ZRANB2: variants seen among roughly 807,000 people sequenced by gnomAD.
The protein encoded by ZRANB2 is zinc finger RANBP2-type containing 2, also known as zinc finger Ran-binding domain-containing protein 2.
In ZRANB2, 19 loss-of-function variants were observed where a neutral mutation model predicts 53.4. The observed-to-expected ratio is 0.36, with a 90% CI of 0.25 to 0.52. ZRANB2 has a LOEUF of 0.52. Ranked by LOEUF, ZRANB2 falls within the 20% of genes least tolerant of loss-of-function variation. ZRANB2 has a pLI of 0.93. For missense variants in ZRANB2, 309 were observed against 401.1 expected, an observed-to-expected ratio of 0.77 and a Z score of 1.96; for synonymous variants, 145 against 134.8, an observed-to-expected ratio of 1.08 and a Z score of -0.52.
At chr1:71,070,230 T>C (rs1661564498) in intron 7 of ZRANB2, among the ~76,000 whole-genome samples, 1 of 151,284 alleles carries the variant, frequency 6.6e-6, no homozygotes, top group Admixed American at 6.6e-5. Context: ...TAAAATTTTA[T>C]TTTTATTGTT....
At chr1:71,065,559 T>C (rs1258095539) in intron 9 of ZRANB2, 2 of 1,383,132 alleles carry the variant, frequency 1.4e-6, no homozygotes, top group East Asian at 2.6e-5. Context: ...CAGCAAGGCT[T>C]CTGTGTATGA....
intron 9 of ZRANB2, 54 bp from the exon 10 acceptor site, chr1:71,065,191 A>G (rs1661395602): frequency 7.1e-7 from 1 of 1,399,400 alleles, no homozygotes; most frequent in Non-Finnish European, 1.0e-6. Flanking sequence ...GCTAAATCTC[A>G]GCATTCATTC....
intron 4 of ZRANB2, among the ~76,000 whole-genome samples, chr1:71,072,813 T>C (rs1419548119): frequency 6.6e-6 from 1 of 152,128 alleles, no homozygotes; most frequent in Non-Finnish European, 1.5e-5. Context: ...AAAGTATTGG[T>C]GGAAAACATC....
chr1:71,072,312 A>G (rs1661613026), intron 5 of ZRANB2, 57 bp from the exon 6 acceptor site: 1 of 1,503,964 alleles, frequency 6.6e-7, no homozygotes, highest in South Asian at 1.3e-5. Flanking sequence ...AACTTAATAC[A>G]TTTTCTAAAA....
At chr1:71,077,072 T>A (rs1661725638) in intron 3 of ZRANB2, among the ~76,000 whole-genome samples, 195 bp from the exon 4 acceptor site, 1 of 152,222 alleles carries the variant, frequency 6.6e-6, no homozygotes, top group Admixed American at 6.5e-5. Context: ...GACTGAACCA[T>A]TTAAGCAGAG....
At chr1:71,067,001 T>C (rs1438215011) in intron 8 of ZRANB2, 67 bp from the exon 9 acceptor site, 1 of 1,427,026 alleles carries the variant, frequency 7.0e-7, no homozygotes, top group Non-Finnish European at 9.3e-7. Context: ...TATTTAGTTA[T>C]CAGATAGCTC....
At chr1:71,074,659 T>C (rs1661668024) in intron 4 of ZRANB2, among the ~76,000 whole-genome samples, 1 of 151,964 alleles carries the variant, frequency 6.6e-6, no homozygotes, top group Non-Finnish European at 1.5e-5. Flanking sequence ...TTAATGGTTT[T>C]TTTTTTAAAA....
intron 9 of ZRANB2, chr1:71,065,605 G>A: frequency 6.7e-7 from 1 of 1,499,268 alleles, no homozygotes; most frequent in Non-Finnish European, 8.9e-7. Context: ...GGAAATCTAG[G>A]TCACACAAGA....
chr1:71,064,063 CAAATG>C lies in ZRANB2; in HGVS notation c.*1006_*1010del. On this transcript the variant is annotated 3_prime_UTR_variant, in exon 10 of 10. Transcript: ENST00000370920. ...AAGCATTTTAAGCCATAACTTATTT[CAAATG>C]AATAGGAAAAATAATGACTTTTGCT... 1 of 152,344 alleles carries C rather than the reference CAAATG, an allele frequency of 6.6e-6. No individual in the cohort carries two copies. The highest frequency in any genetic ancestry group is 1.5e-5 in the Non-Finnish European group (1 of 67,852). The allele number at this position is 152,344 out of a possible 1,614,324, so 9.4% of individuals were successfully genotyped here.
chr1:71,072,812 G>C (rs140978852), intron 4 of ZRANB2, among the ~76,000 whole-genome samples: 89 of 152,152 alleles, frequency 5.8e-4, no homozygotes, highest in African/African-American at 2.0e-3. Context: ...GAAAGTATTG[G>C]TGGAAAACAT....
chr1:71,067,704 A>G (rs1193180450), intron 8 of ZRANB2: 2 of 427,420 alleles, frequency 4.7e-6, no homozygotes, highest in Non-Finnish European at 9.4e-6. Flanking sequence ...AATTCTTTGG[A>G]AAGTTACAAG....
Position 71,078,453 on chromosome 1 carries a change from A to G in ZRANB2, c.218+4T>C. The G allele has an allele frequency of 6.2e-7, 1 of 1,610,308 alleles. No homozygotes were observed. Among genetic ancestry groups the G allele is most frequent in the Non-Finnish European group, 8.5e-7 (1 of 1,177,848 alleles). ...AAGAGCAGACAATAATTTAAAAAAC[A>G]TACGTTTTACATTGCCAGTCATTAG... On this transcript the variant is annotated splice_donor_region_variant and intron_variant, in intron 3 of 9. Coordinates refer to ENST00000370920, the MANE Select transcript of ZRANB2 (RefSeq NM_203350.3).
chr1:71,067,830 G>C (rs1453142263), intron 8 of ZRANB2: 3 of 323,882 alleles, frequency 9.3e-6, no homozygotes, highest in Non-Finnish European at 1.8e-5. Context: ...CTTAAATATT[G>C]TTACTAAATA....
chr1:71,069,439 T>C, intron 7 of ZRANB2, 77 bp from the exon 8 acceptor site: 2 of 1,045,596 alleles, frequency 1.9e-6, no homozygotes, highest in Non-Finnish European at 3.0e-6. Flanking sequence ...GAAAGAAAGA[T>C]ATGTATTAGA....
At chr1:71,070,676 C>A (rs1661573833) in intron 7 of ZRANB2, 151 bp downstream of exon 7, 1 of 518,048 alleles carries the variant, frequency 1.9e-6, no homozygotes, top group Non-Finnish European at 3.3e-6. Flanking sequence ...CTGTATGGTA[C>A]TAAGCTGAAA....
intron 1 of ZRANB2, 130 bp downstream of exon 1, chr1:71,080,810 G>A (rs1379138387): frequency 2.9e-6 from 3 of 1,032,530 alleles, no homozygotes; most frequent in East Asian, 4.7e-5. Context: ...TTCCCGCCAG[G>A]GAACTGGCGG....
At chr1:71,073,610 A>G (rs1573057548) in intron 4 of ZRANB2, among the ~76,000 whole-genome samples, 1 of 152,144 alleles carries the variant, frequency 6.6e-6, no homozygotes, top group African/African-American at 2.4e-5. Context: ...AAACTTCAAA[A>G]TACTTGGAAG....
chr1:71,069,515 A>ATCT, intron 7 of ZRANB2, 153 bp from the exon 8 acceptor site: 1 of 466,306 alleles, frequency 2.1e-6, no homozygotes, highest in Non-Finnish European at 3.8e-6. Flanking sequence ...ATTTTAAATT[A>ATCT]GATAAGATTT....
At position 71,070,887 on chromosome 1, in the gene ZRANB2, G is replaced by C; in HGVS notation, c.623C>G (p.Ser208Cys). 6.2e-7 allele frequency: 1 copy of C among 1,611,316 alleles called. No individual in the cohort carries two copies. The highest frequency in any genetic ancestry group is 8.5e-7 in the Non-Finnish European group (1 of 1,178,588). Reference protein sequence around the residue: ...SNRRSRSKSRSSHSRSSSRSS... With the variant: ...SNRRSRSKSRCSHSRSSSRSS... ...GCGTGATGAAGATCGTGAATGTGAA[G>C]ATCGAGACTTTGAGCGACTTCGTCT... The change falls in exon 7 of 10, where the codon TCT (serine) becomes TGT (cysteine). Residue 208 changes from serine (S) to cysteine (C), a missense_variant. Transcript: ENST00000370920.
Sources: gnomAD v4.1 joint callset for allele counts (sites outside exome capture counted in the v4.1 genomes callset) on GRCh38, gnomAD v4.1.1 for gene constraint, MANE v1.5 for transcripts, NCBI Gene and HGNC (gene_info 2026-07-23, HGNC 2026-07-21) for gene names.